The following PICALM variants were observed in gnomAD, a reference collection of about 807,000 sequenced individuals.
PICALM encodes the protein phosphatidylinositol binding clathrin assembly protein, also known as phosphatidylinositol-binding clathrin assembly protein.
In PICALM, 40 loss-of-function variants were observed where a neutral mutation model predicts 80.5. The observed-to-expected ratio is 0.50, with a 90% confidence interval of 0.39 to 0.65. The LOEUF is 0.65. Ranked by LOEUF, PICALM falls within the 30% of genes least tolerant of loss-of-function variation. The pLI is 0.00. For synonymous variants in PICALM, 288 were observed against 260.3 expected, an observed-to-expected ratio of 1.11 and a Z score of -1.02; for missense variants, 676 against 778.9, an observed-to-expected ratio of 0.87 and a Z score of 1.57.
At position 86,027,713 on chromosome 11, in the gene PICALM, G is replaced by A. The variant is rs141930993; in HGVS notation, c.274-1346C>T. On this transcript the variant is annotated intron_variant, in intron 2 of 19. Transcript: ENST00000393346. ...TAAAAAAATTTTTTGTAGAGACAACGTCTTACTACATTGCCTAGGCTGGTC... is the reference window on the plus strand; with the variant it reads ...TAAAAAAATTTTTTGTAGAGACAACATCTTACTACATTGCCTAGGCTGGTC... Among the ~76,000 whole-genome samples, 768 of 151,984 alleles carry A rather than the reference G, an allele frequency of 5.1e-3. 3 individuals are homozygous for A. The highest frequency in any genetic ancestry group is 8.4e-3 in the Non-Finnish European group (572 of 67,984).
At chr11:85,966,876 A>C (rs1220072101) in intron 19 of PICALM, among the ~76,000 whole-genome samples, 2 of 152,252 alleles carry the variant, frequency 1.3e-5, no homozygotes, top group African/African-American at 4.8e-5. Context: ...GGAAAAGCCA[A>C]GGAAGGACCC....
In PICALM at chr11:86,041,964, CT is replaced by C. The variant is rs142866452; in HGVS notation, c.131-10354del. Among the ~76,000 whole-genome samples the C allele has an allele frequency of 8.5e-3, 1,299 of 152,280 alleles. 24 individuals are homozygous for C. Among genetic ancestry groups the C allele is most frequent in the African/African-American group, 0.029 (1,213 of 41,552 alleles). ...CAAATGAAAGAGTTGTTCCTCCCCCCTCCTCTGATTATCAAAATGTTTTAAA... is the reference window on the plus strand; with the variant it reads ...CAAATGAAAGAGTTGTTCCTCCCCCCCCTCTGATTATCAAAATGTTTTAAA... On this transcript the variant is annotated intron_variant, in intron 1 of 19. Coordinates refer to ENST00000393346, the MANE Select transcript of PICALM (RefSeq NM_007166.4).
At chr11:86,008,871 T>C (rs565932078) in intron 7 of PICALM, among the ~76,000 whole-genome samples, 41 of 133,394 alleles carry the variant, frequency 3.1e-4, no homozygotes, top group Non-Finnish European at 5.9e-4. Context: ...GGCGGGAGGA[T>C]AGCTTGAGCC....
rs532977706 is a variant in PICALM at position 86,038,638 on chromosome 11, G to A, written c.131-7027C>T. On this transcript the variant is annotated intron_variant, in intron 1 of 19. Coordinates refer to ENST00000393346, the MANE Select transcript of PICALM (RefSeq NM_007166.4). The stretch of plus-strand genomic sequence containing the variant: ...TCTACTAAAAATACAAAAATTAGCC[G>A]AGCTTGGTGGCAGGTGCCTGTAATC... Among the ~76,000 whole-genome samples the A allele has an allele frequency of 6.6e-5, 10 of 151,786 alleles. No homozygotes were observed. The South Asian group carries it at 8.4e-4, about 13-fold the overall frequency.
At chr11:85,987,228 T>C (rs2094599782) in intron 13 of PICALM, among the ~76,000 whole-genome samples, 1 of 152,208 alleles carries the variant, frequency 6.6e-6, no homozygotes, top group Non-Finnish European at 1.5e-5. Context: ...TAGTTATTAT[T>C]ATCCCTGTTT....
At chr11:86,053,026 T>C (rs1593391005) in intron 1 of PICALM, among the ~76,000 whole-genome samples, 1 of 152,230 alleles carries the variant, frequency 6.6e-6, no homozygotes, top group Non-Finnish European at 1.5e-5. Context: ...AGTATCTCTC[T>C]TATCTGATTT....
At position 86,068,918 on chromosome 11, in the gene PICALM, TC is replaced by T. The variant is rs1433503598; in HGVS notation, c.-139del. The T allele has an allele frequency of 1.1e-5, 13 of 1,221,252 alleles. No homozygotes were observed. The highest frequency in any genetic ancestry group is 1.3e-5 in the Non-Finnish European group (12 of 906,174). 75.7% of individuals were successfully genotyped at this position (1,221,252 alleles called of 1,614,324 possible). On this transcript the variant is annotated 5_prime_UTR_variant, in exon 1 of 20. Transcript: ENST00000393346. ...CCCGCCTGCCGGCCTGGGGCGCGGT[TC>T]GGGGCCGCGCGCTGCCACCAGTCCA...
intron 16 of PICALM, 48 bp downstream of exon 16, chr11:85,981,697 A>C (rs1371172978): frequency 4.2e-6 from 6 of 1,434,286 alleles, no homozygotes; most frequent in Non-Finnish European, 4.9e-6. Flanking sequence ...ACATGGAGAA[A>C]ACACTAAATA....
intron 19 of PICALM, among the ~76,000 whole-genome samples, chr11:85,971,077 T>G (rs626542): frequency 0.81 from 123,462 of 152,126 alleles, 50,274 homozygotes; most frequent in African/African-American, 0.88. Flanking sequence ...AATTACAAAA[T>G]AATTAAAAGT....
At chr11:86,003,107 A>T (rs1398059840) in intron 9 of PICALM, among the ~76,000 whole-genome samples, 1 of 152,210 alleles carries the variant, frequency 6.6e-6, no homozygotes, top group Non-Finnish European at 1.5e-5. Flanking sequence ...CATAAACACA[A>T]TTCTAAACTA....
At chr11:86,013,440 T>C (rs528788707) in intron 5 of PICALM, among the ~76,000 whole-genome samples, 1 of 152,302 alleles carries the variant, frequency 6.6e-6, no homozygotes, top group South Asian at 2.1e-4. Context: ...AACCACCACA[T>C]TCTTTTTCTG....
chr11:86,011,711 A>C (rs2095396744), intron 6 of PICALM, among the ~76,000 whole-genome samples: 1 of 152,192 alleles, frequency 6.6e-6, no homozygotes, highest in Admixed American at 6.5e-5. Context: ...GACTATAAAA[A>C]ACAGATTTAA....
At chr11:86,066,092 T>C (rs1057430836) in intron 1 of PICALM, among the ~76,000 whole-genome samples, 4 of 152,208 alleles carry the variant, frequency 2.6e-5, no homozygotes, top group Non-Finnish European at 4.4e-5. Flanking sequence ...AAAAATTACT[T>C]GAAATGACAG....
intron 8 of PICALM, among the ~76,000 whole-genome samples, chr11:86,005,775 C>CA (rs573132171): frequency 0.081 from 10,297 of 127,748 alleles, 645 homozygotes; most frequent in African/African-American, 0.19. Flanking sequence ...AAGAAATTAC[C>CA]AAAAAAAAAA....
intron 4 of PICALM, among the ~76,000 whole-genome samples, chr11:86,021,189 A>AT (rs1392091506): frequency 6.6e-6 from 1 of 152,088 alleles, no homozygotes; most frequent in Admixed American, 6.6e-5. Context: ...TTGTATGAAA[A>AT]TTTTTTTAAA....
chr11:86,002,273 C>T (rs1334785975), intron 9 of PICALM, among the ~76,000 whole-genome samples: 4 of 152,042 alleles, frequency 2.6e-5, no homozygotes, highest in Admixed American at 6.6e-5. Context: ...AATCCAATAA[C>T]GGCATTTCCC....
chr11:86,011,232 A>T (rs1358117088), intron 6 of PICALM, 96 bp from the exon 7 acceptor site: 2 of 614,164 alleles, frequency 3.3e-6, no homozygotes, highest in South Asian at 4.1e-5. Flanking sequence ...ATAGGTCTCT[A>T]AAGGAGCATA....
chr11:86,015,209 T>G (rs956106698), intron 4 of PICALM, among the ~76,000 whole-genome samples: 1 of 152,146 alleles, frequency 6.6e-6, no homozygotes, highest in Non-Finnish European at 1.5e-5. Flanking sequence ...GCATGAGCCA[T>G]AAAAGCAAAA....
At chr11:86,043,494 G>GT (rs2096011850) in intron 1 of PICALM, among the ~76,000 whole-genome samples, 1 of 151,998 alleles carries the variant, frequency 6.6e-6, no homozygotes, top group African/African-American at 2.4e-5. Context: ...AACATCTCAC[G>GT]TTTAAAAAAC....
Sources: allele counts gnomAD v4.1 joint callset (sites outside exome capture counted in the v4.1 genomes callset), GRCh38; gene constraint gnomAD v4.1.1; transcripts MANE v1.5; gene names NCBI Gene and HGNC (gene_info 2026-07-23, HGNC 2026-07-21).